Variants in UBAP1 observed in about 807,000 individuals in gnomAD.
The protein encoded by UBAP1 is ubiquitin-associated protein 1.
In UBAP1, 5 loss-of-function variants were observed where a neutral mutation model predicts 39.0. The observed-to-expected ratio is 0.13, with a 90% CI of 0.07 to 0.27. The LOEUF (loss-of-function observed/expected upper bound fraction) is 0.27, where lower values mean the gene tolerates loss of function less well. UBAP1 is among the 10% of genes least tolerant of loss of function. UBAP1 has a pLI of 1.00. For missense variants in UBAP1, 490 were observed against 608.1 expected, an observed-to-expected ratio of 0.81 and a Z score of 2.04; for synonymous variants, 211 against 225.1, an observed-to-expected ratio of 0.94 and a Z score of 0.56.
chr9:34,183,696 A>G (rs1830217766), intron 1 of UBAP1, among the ~76,000 whole-genome samples: 2 of 151,900 alleles, frequency 1.3e-5, no homozygotes, highest in African/African-American at 4.8e-5. Flanking sequence ...ACCAAAACAA[A>G]TGAAAATCCA....
intron 1 of UBAP1, among the ~76,000 whole-genome samples, chr9:34,213,590 A>G (rs1832136265): frequency 6.6e-6 from 1 of 152,128 alleles, no homozygotes; most frequent in Admixed American, 6.6e-5. Flanking sequence ...AGTGGAAAGC[A>G]TTACCTGTGA....
intron 1 of UBAP1, among the ~76,000 whole-genome samples, chr9:34,199,758 C>T (rs1329206075): frequency 6.6e-6 from 1 of 151,618 alleles, no homozygotes; most frequent in East Asian, 1.9e-4. Context: ...GCCTCAGCCT[C>T]CCTAGTAGCT....
At position 34,182,681 on chromosome 9, in the gene UBAP1, T is replaced by TTCTTTCTCTCTCTCTCTC. The variant is rs1491429494; in HGVS notation, c.-8+3444_-8+3445insTTCTCTCTCTCTCTCTCT. ...TTTCTTTCTTTCTTTCTTTCTTTCT[T>TTCTTTCTCTCTCTCTCTC]TCTCTCTCTCTTTCTTTTCTTTTCT... On this transcript the variant is annotated intron_variant, in intron 1 of 6. Coordinates refer to ENST00000297661, the MANE Select transcript of UBAP1 (RefSeq NM_016525.5). Among the ~76,000 whole-genome samples, 12 of 115,598 alleles carry TTCTTTCTCTCTCTCTCTC rather than the reference T, an allele frequency of 1.0e-4. No homozygotes were observed. In the South Asian group the frequency reaches 1.2e-3, roughly 12 times the overall value. 75.8% of individuals were successfully genotyped at this position (115,598 alleles called of 152,430 possible).
In UBAP1 at chr9:34,234,323, G is replaced by C; in HGVS notation, c.142G>C (p.Val48Leu). The C allele has an allele frequency of 6.2e-7, 1 of 1,605,090 alleles. No homozygotes were observed. The highest frequency in any genetic ancestry group is 8.5e-7 in the Non-Finnish European group (1 of 1,178,082). ...CTTCTCCTTGCCTGATTGTTTGCAG[G>C]TTGTCAGAGAAGTACAGGTAAGTGG... The part of the protein sequence containing the change: ...IGFSLPDCLQ[V>L]VREVQYDFSL... The change falls in exon 3 of 7, where the codon GTT (valine) becomes CTT (leucine). Residue 48 changes from valine (V) to leucine (L), a missense_variant. Coordinates refer to ENST00000297661, the MANE Select transcript of UBAP1 (RefSeq NM_016525.5).
intron 1 of UBAP1, among the ~76,000 whole-genome samples, chr9:34,196,316 A>AT (rs67508118): frequency 1.5e-5 from 2 of 135,584 alleles, no homozygotes; most frequent in African/African-American, 2.7e-5. Context: ...ATTAAAAACA[A>AT]TTTTTTTTTT....
chr9:34,200,130 T>C (rs1033235057), intron 1 of UBAP1, among the ~76,000 whole-genome samples: 2 of 152,202 alleles, frequency 1.3e-5, no homozygotes, highest in African/African-American at 4.8e-5. Flanking sequence ...TTTTGTCTGC[T>C]GTTTTCCTCG....
chr9:34,186,809 TTTCATCTC>T (rs1830429936), intron 1 of UBAP1, among the ~76,000 whole-genome samples: 1 of 152,200 alleles, frequency 6.6e-6, no homozygotes, highest in Non-Finnish European at 1.5e-5. Context: ...TGACTTGTCT[TTTCATCTC>T]TTCATAGTCT....
At chr9:34,212,051 G>A in intron 1 of UBAP1, 1 of 420,228 alleles carries the variant, frequency 2.4e-6, no homozygotes, top group Non-Finnish European at 4.8e-6. Flanking sequence ...AAAAGAAAAA[G>A]AATATGTTTT....
chr9:34,243,651 G>A lies in UBAP1; in HGVS notation c.1083+1543G>A, dbSNP rs116806910. On this transcript the variant is annotated intron_variant, in intron 4 of 6. Transcript: ENST00000297661. Reference sequence around the variant, plus strand: ...ATTACAGGCATGTGCTATCGTGCTCGGCTCATTTTTGTATTTTTAGCAGAG... The same window carrying A: ...ATTACAGGCATGTGCTATCGTGCTCAGCTCATTTTTGTATTTTTAGCAGAG... 3.5e-3 allele frequency among the ~76,000 whole-genome samples: 526 copies of A among 152,012 alleles called. 6 individuals carry two copies. The highest frequency in any genetic ancestry group is 0.012 in the African/African-American group (507 of 41,466).
Position 34,180,043 on chromosome 9 carries a change from TTC to T in UBAP1, c.-8+805_-8+806del, listed in dbSNP as rs1829928102. 4.6e-5 allele frequency among the ~76,000 whole-genome samples: 7 copies of T among 152,244 alleles called. No individual in the cohort carries two copies. In the South Asian group the frequency reaches 1.4e-3, roughly 31 times the overall value. On this transcript the variant is annotated intron_variant, in intron 1 of 6. Coordinates refer to ENST00000297661, the MANE Select transcript of UBAP1 (RefSeq NM_016525.5). ...GTAATTTAGTTAAGTATTACGTATA[TTC>T]TGTTCTAACTTTACTCGTTAGTGCT...
intron 2 of UBAP1, among the ~76,000 whole-genome samples, chr9:34,226,491 C>T (rs1219271627): frequency 6.6e-6 from 1 of 152,138 alleles, no homozygotes; most frequent in Non-Finnish European, 1.5e-5. Context: ...CCTGCGTCTG[C>T]GTCCCAAAGT....
At chr9:34,239,403 C>G (rs1027332931) in intron 3 of UBAP1, among the ~76,000 whole-genome samples, 1 of 152,180 alleles carries the variant, frequency 6.6e-6, no homozygotes, top group Non-Finnish European at 1.5e-5. Flanking sequence ...CCCTCCGTAC[C>G]CAGAGAACAG....
At chr9:34,228,154 C>T (rs575141056) in intron 2 of UBAP1, among the ~76,000 whole-genome samples, 9 of 150,990 alleles carry the variant, frequency 6.0e-5, no homozygotes, top group Non-Finnish European at 1.3e-4. Flanking sequence ...TGCGATGGCT[C>T]ACGCCTTTAA....
At chr9:34,181,335 G>A (rs1298693455) in intron 1 of UBAP1, among the ~76,000 whole-genome samples, 1 of 147,180 alleles carries the variant, frequency 6.8e-6, no homozygotes, top group Non-Finnish European at 1.5e-5. Flanking sequence ...CCAGGATGGT[G>A]TCCATCTGCT....
At chr9:34,249,138 TCTGTC>T (rs994621593) in intron 4 of UBAP1, among the ~76,000 whole-genome samples, 2 of 152,116 alleles carry the variant, frequency 1.3e-5, no homozygotes, top group African/African-American at 4.8e-5. Context: ...TAGTATGCCT[TCTGTC>T]CTGGCACTGT....
chr9:34,235,403 A>G (rs1833642648), intron 3 of UBAP1, among the ~76,000 whole-genome samples: 1 of 151,760 alleles, frequency 6.6e-6, no homozygotes. Flanking sequence ...CAGCGGTGCA[A>G]TCTTGGCTCA....
In UBAP1 at chr9:34,202,629, G is replaced by C. The variant is rs1181960100; in HGVS notation, c.-7-18279G>C. On this transcript the variant is annotated intron_variant, in intron 1 of 6. Transcript: ENST00000297661. ...CCAGAAGCTGTAGACAGAAACGTGT[G>C]TGTGTGTGTGTGTGTGTGTGTGTGT... is the stretch of plus-strand genomic sequence containing the variant. Among the ~76,000 whole-genome samples, 99 of 72,930 alleles carry C rather than the reference G, an allele frequency of 1.4e-3. 5 individuals carry two copies. Among genetic ancestry groups the C allele is most frequent in the Middle Eastern group, 6.8e-3 (1 of 146 alleles). 47.8% of individuals were successfully genotyped at this position (72,930 alleles called of 152,430 possible). A position where few individuals can be genotyped will look rare whatever the true frequency, so the allele number is the denominator to read the frequency against.
intron 1 of UBAP1, among the ~76,000 whole-genome samples, chr9:34,195,927 G>GTT (rs57040252): frequency 0.02 from 723 of 36,154 alleles, 205 homozygotes; most frequent in East Asian, 0.03. Flanking sequence ...AAATTTTTTG[G>GTT]TTTTTTTTTT....
intron 1 of UBAP1, among the ~76,000 whole-genome samples, chr9:34,183,000 G>C (rs1426277648): frequency 6.6e-6 from 1 of 151,816 alleles, no homozygotes; most frequent in African/African-American, 2.4e-5. Flanking sequence ...GGATGGTCTC[G>C]ATTTCCTGAC....
Sources: allele counts gnomAD v4.1 joint callset (sites outside exome capture counted in the v4.1 genomes callset), GRCh38; gene constraint gnomAD v4.1.1; transcripts MANE v1.5; gene names NCBI Gene and HGNC (gene_info 2026-07-23, HGNC 2026-07-21).